Variants in TNS1 observed in about 807,000 individuals in gnomAD.
TNS1 encodes the protein tensin 1.
A neutral mutation model predicts 168.6 loss-of-function variants in TNS1; 62 were observed. That is an observed-to-expected ratio of 0.37 (90% CI 0.30 to 0.45). TNS1 has a LOEUF of 0.45. Ranked by LOEUF, TNS1 falls within the 20% of genes least tolerant of loss-of-function variation. TNS1 has a pLI of 1.00. For missense variants in TNS1, 2,240 were observed against 2,339.4 expected (o/e 0.96, Z 0.88); for synonymous variants, 934 against 933.2 (o/e 1.00, Z -0.02).
chr2:217,993,759 T>C (rs575004342), intron 1 of TNS1, among the ~76,000 whole-genome samples: 5 of 152,342 alleles, frequency 3.3e-5, no homozygotes, highest in Admixed American at 6.5e-5. Context: ...TATTAAAGTA[T>C]CCATGTCAAT....
intron 3 of TNS1, among the ~76,000 whole-genome samples, chr2:217,938,227 C>T (rs564127330): frequency 9.2e-5 from 14 of 152,348 alleles, no homozygotes; most frequent in African/African-American, 3.4e-4. Flanking sequence ...GGAGTTCACC[C>T]CCGACCCAGA....
At chr2:217,872,856 C>A (rs1249051488) in intron 18 of TNS1, among the ~76,000 whole-genome samples, 1 of 152,200 alleles carries the variant, frequency 6.6e-6, no homozygotes, top group Non-Finnish European at 1.5e-5. Context: ...GAATATCATT[C>A]AGCAACAAAA....
chr2:217,828,736 A>G (rs1050692330), intron 22 of TNS1, among the ~76,000 whole-genome samples: 5 of 152,218 alleles, frequency 3.3e-5, no homozygotes, highest in Admixed American at 1.3e-4. Flanking sequence ...AGACATGCCA[A>G]CTCCTTGAAA....
chr2:217,977,062 A>G (rs143286305), intron 3 of TNS1, among the ~76,000 whole-genome samples: 39 of 152,364 alleles, frequency 2.6e-4, no homozygotes, highest in South Asian at 1.7e-3. Context: ...TTAAAAGAAC[A>G]AAGTCTGATA....
Position 217,891,051 on chromosome 2 carries a change from G to A in TNS1, c.783-6C>T. On this transcript the variant is annotated splice_region_variant and splice_polypyrimidine_tract_variant and intron_variant, in intron 11 of 32. Transcript: ENST00000682258. ...GGTCCAGAGCCTGGTCCGCACTGCA[G>A]GGAGAGACAGGTGGTCAAAAGAGGC... is the stretch of plus-strand genomic sequence containing the variant. 6.2e-7 allele frequency: 1 copy of A among 1,614,136 alleles called. No individual in the cohort carries two copies. Among genetic ancestry groups the A allele is most frequent in the East Asian group, 2.2e-5 (1 of 44,884 alleles).
At chr2:218,004,828 AC>A (rs563000904), upstream of TNS1, among the ~76,000 whole-genome samples, 2 of 151,978 alleles carry the variant, frequency 1.3e-5, no homozygotes, top group Admixed American at 1.3e-4. Context: ...GTCCCTCTGG[AC>A]CCCCTACTCT....
intron 6 of TNS1, chr2:217,903,855 C>G: frequency 2.1e-6 from 1 of 486,860 alleles, no homozygotes; most frequent in Non-Finnish European, 3.6e-6. Flanking sequence ...TGCCTTCTTC[C>G]CCGTCATGAG....
At chr2:217,859,605 T>C in intron 18 of TNS1, 4 of 1,528,836 alleles carry the variant, frequency 2.6e-6, no homozygotes, top group Non-Finnish European at 3.5e-6. Flanking sequence ...GGCCTAACTT[T>C]GGGAAGGCCA....
chr2:217,820,748 GT>G (rs1942716642), intron 23 of TNS1, among the ~76,000 whole-genome samples: 1 of 151,986 alleles, frequency 6.6e-6, no homozygotes, highest in Non-Finnish European at 1.5e-5. Context: ...CCATCTCTTT[GT>G]CCCCTCCACC....
chr2:217,893,391 TGCGCGCGC>T (rs1553602104), intron 10 of TNS1, 40 bp downstream of exon 10: 1 of 1,490,844 alleles, frequency 6.7e-7, no homozygotes, highest in African/African-American at 1.5e-5. Context: ...TGTGCGCATG[TGCGCGCGC>T]GCACACACAC....
At position 217,921,946 on chromosome 2, in the gene TNS1, A is replaced by G. The variant is rs79612006; in HGVS notation, c.187-1710T>C. On this transcript the variant is annotated intron_variant, in intron 3 of 32. Coordinates refer to ENST00000682258, the MANE Select transcript of TNS1 (RefSeq NM_001387777.1). Reference sequence around the variant, plus strand: ...ACAGCTGATAAGTGGCCGAGATTTGAACCCAGGCAGTCTAAGTCCCAAGAT... The same window carrying G: ...ACAGCTGATAAGTGGCCGAGATTTGGACCCAGGCAGTCTAAGTCCCAAGAT... 3.1e-3 allele frequency among the ~76,000 whole-genome samples: 477 copies of G among 152,292 alleles called. 6 individuals are homozygous for G. The highest frequency in any genetic ancestry group is 0.018 in the Admixed American group (282 of 15,294).
intron 25 of TNS1, chr2:217,814,051 G>C (rs1345302883): frequency 6.0e-6 from 2 of 335,670 alleles, no homozygotes; most frequent in Admixed American, 9.4e-5. Context: ...ACTCAGGCTG[G>C]CATGCAGTGG....
chr2:218,002,938 C>T lies in TNS1; in HGVS notation c.-66G>A, dbSNP rs891055573. Reference sequence around the variant, plus strand: ...GAAGAGCCCCTGAAGCTAGAGTCCCCGCGGCGCTGGCAGAAGGGCTCTCTG... The same window carrying T: ...GAAGAGCCCCTGAAGCTAGAGTCCCTGCGGCGCTGGCAGAAGGGCTCTCTG... On this transcript the variant is annotated 5_prime_UTR_variant, in exon 1 of 33. Transcript: ENST00000682258. The T allele has an allele frequency of 8.8e-6, 4 of 456,282 alleles. No individual in the cohort carries two copies. The highest frequency in any genetic ancestry group is 1.5e-5 in the South Asian group (1 of 64,560). 28.3% of individuals were successfully genotyped at this position (456,282 alleles called of 1,614,324 possible).
chr2:217,827,946 C>T (rs752518716), intron 22 of TNS1, among the ~76,000 whole-genome samples: 3 of 152,246 alleles, frequency 2.0e-5, no homozygotes, highest in Non-Finnish European at 4.4e-5. Context: ...TGGCCCTTCC[C>T]ACTGGAGAGT....
chr2:217,963,724 A>G (rs1467789907), intron 3 of TNS1, among the ~76,000 whole-genome samples: 2 of 150,292 alleles, frequency 1.3e-5, no homozygotes, highest in African/African-American at 5.0e-5. Context: ...CACGTGAGCC[A>G]TGAAAATATG....
At chr2:218,028,679 C>T (rs942180382) in intron 1 of TNS1, among the ~76,000 whole-genome samples, 1 of 152,204 alleles carries the variant, frequency 6.6e-6, no homozygotes, top group African/African-American at 2.4e-5. Flanking sequence ...CATCCCCTAT[C>T]CTTGGGGTAG....
intron 3 of TNS1, among the ~76,000 whole-genome samples, chr2:217,971,879 A>T (rs1177066856): frequency 6.6e-6 from 1 of 152,216 alleles, no homozygotes; most frequent in Admixed American, 6.5e-5. Flanking sequence ...CAAGCGAAAG[A>T]CATATCATAT....
At position 217,804,237 on chromosome 2, in the gene TNS1, A is replaced by C; in HGVS notation, c.*222T>G. 1.8e-6 allele frequency: 1 copy of C among 563,968 alleles called. No homozygotes were observed. Among genetic ancestry groups the C allele is most frequent in the East Asian group, 3.1e-5 (1 of 31,914 alleles). 34.9% of individuals were successfully genotyped at this position (563,968 alleles called of 1,614,324 possible). A position where few individuals can be genotyped will look rare whatever the true frequency, so the allele number is the denominator to read the frequency against. On this transcript the variant is annotated 3_prime_UTR_variant, in exon 33 of 33. Transcript: ENST00000682258. Reference sequence around the variant, plus strand: ...AGTTTCCATCTACCCAGGGGAATCCAAGTTCTTCTCCTCCATCTTTCTCTC... The same window carrying C: ...AGTTTCCATCTACCCAGGGGAATCCCAGTTCTTCTCCTCCATCTTTCTCTC...
rs532384915 is a variant in TNS1 at position 217,953,144 on chromosome 2, G to C, written c.186+25621C>G. Among the ~76,000 whole-genome samples the C allele has an allele frequency of 8.5e-5, 13 of 152,086 alleles. No individual in the cohort carries two copies. In the South Asian group the frequency reaches 1.9e-3, roughly 22 times the overall value. ...TCCATGAGGAGGGAAAGAGCAGCTC[G>C]GGCCCCTGGGGCAGTGAGGGATCTG... On this transcript the variant is annotated intron_variant, in intron 3 of 32. Coordinates refer to ENST00000682258, the MANE Select transcript of TNS1 (RefSeq NM_001387777.1).
Sources: gnomAD v4.1 joint callset for allele counts (sites outside exome capture counted in the v4.1 genomes callset) on GRCh38, gnomAD v4.1.1 for gene constraint, MANE v1.5 for transcripts, NCBI Gene and HGNC (gene_info 2026-07-23, HGNC 2026-07-21) for gene names.